CHL1: variants seen among roughly 807,000 people sequenced by gnomAD.
The protein encoded by CHL1 is cell adhesion molecule L1 like.
In CHL1, 96 loss-of-function variants were observed where a neutral mutation model predicts 141.9. The observed-to-expected ratio is 0.68, with a 90% CI of 0.57 to 0.80. The LOEUF (loss-of-function observed/expected upper bound fraction) is 0.80. CHL1 is among the 30% of genes least tolerant of loss of function. The pLI is 0.00. For missense variants in CHL1, 1,820 were observed against 1,457.2 expected (o/e 1.25, Z -4.05); for synonymous variants, 613 against 502.2 (o/e 1.22, Z -2.95).
Position 409,343 on chromosome 3 carries a change from A to G in CHL1, c.*3632A>G, listed in dbSNP as rs1027170534. 6.6e-6 allele frequency: 1 copy of G among 152,078 alleles called. No homozygotes were observed. Among genetic ancestry groups the G allele is most frequent in the Non-Finnish European group, 1.5e-5 (1 of 67,976 alleles). The allele number at this position is 152,078 out of a possible 1,614,324, so 9.4% of individuals were successfully genotyped here. ...GTTTGTATTATGCTTATGACTATGT[A>G]TGGTTTGAAAATATTTTCATTATAC... On this transcript the variant is annotated 3_prime_UTR_variant, in exon 28 of 28. Coordinates refer to ENST00000256509, the MANE Select transcript of CHL1 (RefSeq NM_006614.4).
chr3:341,002 T>C (rs1702305431), intron 6 of CHL1, 86 bp downstream of exon 6: 1 of 1,374,988 alleles, frequency 7.3e-7, no homozygotes, highest in Non-Finnish European at 1.0e-6. Context: ...AAAGACAAAA[T>C]AAAAAATAAA....
intron 5 of CHL1, among the ~76,000 whole-genome samples, chr3:334,345 T>C (rs951874062): frequency 6.6e-6 from 1 of 152,134 alleles, no homozygotes; most frequent in Non-Finnish European, 1.5e-5. Context: ...CCAATGACTT[T>C]TTTAGTAATT....
At chr3:299,138 G>A (rs77658627) in intron 2 of CHL1, among the ~76,000 whole-genome samples, 134 of 152,258 alleles carry the variant, frequency 8.8e-4, no homozygotes, top group African/African-American at 3.1e-3. Context: ...GTTTCCGTGA[G>A]TTTTTAGTCT....
chr3:306,250 T>G lies in CHL1; in HGVS notation c.-94-13433T>G, dbSNP rs533695931. 1.4e-4 allele frequency among the ~76,000 whole-genome samples: 21 copies of G among 152,286 alleles called. No individual in the cohort carries two copies. The South Asian group carries it at 1.4e-3, about 11-fold the overall frequency. ...GCAGAAGATGAGCCAAAGGAAATTA[T>G]GAGTTTCTTATAAATGTGTCTTAAG... On this transcript the variant is annotated intron_variant, in intron 2 of 27. Transcript: ENST00000256509.
Position 342,039 on chromosome 3 carries a change from G to T in CHL1, c.636G>T (p.Arg212Ser). 6.2e-7 allele frequency: 1 copy of T among 1,613,500 alleles called. No homozygotes were observed. The highest frequency in any genetic ancestry group is 8.5e-7 in the Non-Finnish European group (1 of 1,179,534). Residue 212 changes from arginine (R) to serine (S), a missense_variant, in exon 7 of 28, where the codon AGG (arginine) becomes AGT (serine). By Grantham distance (110) the Arg-to-Ser change is moderately radical (BLOSUM62 -1). Transcript: ENST00000256509. ...GCTTTGCTGCATTTCCAAGATTAAG[G>T]ACTATTGTACAGAAAATGCCAATGA... ...YCCFAAFPRL[R>S]TIVQKMPMKL... is the part of the protein sequence containing the mutation.
intron 11 of CHL1, among the ~76,000 whole-genome samples, chr3:359,431 T>C (rs914707377): frequency 6.6e-6 from 1 of 151,998 alleles, no homozygotes; most frequent in Non-Finnish European, 1.5e-5. Context: ...GCCTCCCAAC[T>C]AGCTGGGGTT....
At chr3:321,153 G>C (rs1353512641) in intron 3 of CHL1, among the ~76,000 whole-genome samples, 3 of 151,970 alleles carry the variant, frequency 2.0e-5, no homozygotes, top group Admixed American at 1.3e-4. Context: ...TAAATTACTT[G>C]ATGTACCTAT....
chr3:331,631 T>G (rs933936665), intron 5 of CHL1, among the ~76,000 whole-genome samples: 1 of 152,110 alleles, frequency 6.6e-6, no homozygotes, highest in Non-Finnish European at 1.5e-5. Flanking sequence ...CCTTTTTTTA[T>G]TGAAAGACTC....
rs559570378 is a variant in CHL1, at chr3:332,513, T to G, written c.385+4159T>G. 3.7e-4 allele frequency among the ~76,000 whole-genome samples: 57 copies of G among 152,306 alleles called. No individual in the cohort carries two copies. In the South Asian group the frequency reaches 8.5e-3, roughly 23 times the overall value. On this transcript the variant is annotated intron_variant, in intron 5 of 27. Transcript: ENST00000256509. ...AGTGAATGGATTTCCATTGTGTTTCTTTCTTTCTTTGTGTTTTTTTTACAT... is the reference window on the plus strand; with the variant it reads ...AGTGAATGGATTTCCATTGTGTTTCGTTCTTTCTTTGTGTTTTTTTTACAT...
intron 5 of CHL1, among the ~76,000 whole-genome samples, chr3:338,055 G>T (rs137893814): frequency 6.6e-6 from 1 of 151,996 alleles, no homozygotes; most frequent in South Asian, 2.1e-4. Flanking sequence ...TAGTAGAGAC[G>T]GGGTTTCACC....
chr3:319,810 G>A lies in CHL1; in HGVS notation c.34G>A (p.Val12Ile), dbSNP rs142251617. ...GCTTTTACTTGGAAGAGGACTAATC[G>A]TATATCTAATGTTCCTCCTGTTAAA... ...EPLLLGRGLI[V>I]YLMFLLLKFS... Residue 12 changes from valine (V) to isoleucine (I), a missense_variant, in exon 3 of 28, where the codon GTA becomes ATA. Physicochemically the swap from Val to Ile is conservative, Grantham distance 29. Transcript: ENST00000256509. 0.014 allele frequency: 22,458 copies of A among 1,607,944 alleles called. 256 individuals are homozygous for A. Among genetic ancestry groups the A allele is most frequent in the Admixed American group, 0.048 (2,848 of 59,610 alleles).
At position 267,965 on chromosome 3, in the gene CHL1, T is replaced by TA. The variant is rs145702471; in HGVS notation, c.-95+23277dup. ...TCAGCTTTGTGTTGATGATCAATTC[T>TA]AAAATGATTCTTTCCTATGAAAAAC... On this transcript the variant is annotated intron_variant, in intron 2 of 27. Transcript: ENST00000256509. Among the ~76,000 whole-genome samples, 63 of 152,338 alleles carry TA rather than the reference T, an allele frequency of 4.1e-4. 1 individual carries two copies. Among genetic ancestry groups the TA allele is most frequent in the African/African-American group, 1.4e-3 (58 of 41,568 alleles).
intron 2 of CHL1, among the ~76,000 whole-genome samples, chr3:304,770 T>A (rs1257684046): frequency 3.3e-5 from 5 of 152,218 alleles, no homozygotes; most frequent in Non-Finnish European, 5.9e-5. Flanking sequence ...AGCTATTTCA[T>A]GTCTTTTGCT....
Position 342,991 on chromosome 3 carries a change from T to C in CHL1, c.687T>C (p.His229=), listed in dbSNP as rs747244505. ...TCCGTTTTTTTATTTCAGTAAAGCATGCTAATGACTCAAGTTCATCCACAG... is the reference window on the plus strand; with the variant it reads ...TCCGTTTTTTTATTTCAGTAAAGCACGCTAATGACTCAAGTTCATCCACAG... ...PMKLTVNSLK[H]ANDSSSSTEI... The change falls in exon 8 of 28, where the codon CAT becomes CAC. Residue 229 remains histidine (H), a synonymous_variant. Transcript: ENST00000256509. 1.2e-6 allele frequency: 2 copies of C among 1,608,902 alleles called. No homozygotes were observed. Among genetic ancestry groups the C allele is most frequent in the Non-Finnish European group, 1.7e-6 (2 of 1,178,146 alleles).
At chr3:255,969 T>A (rs584201) in intron 2 of CHL1, among the ~76,000 whole-genome samples, 25,225 of 152,236 alleles carry the variant, frequency 0.17, 2,365 homozygotes, top group East Asian at 0.39. Flanking sequence ...TTACCTTGCC[T>A]ACTTCCACAC....
At chr3:316,111 G>T (rs1700136203) in intron 2 of CHL1, among the ~76,000 whole-genome samples, 1 of 151,944 alleles carries the variant, frequency 6.6e-6, no homozygotes, top group African/African-American at 2.4e-5. Flanking sequence ...CTTTCCAGTT[G>T]ACCGGTGCCA....
intron 10 of CHL1, among the ~76,000 whole-genome samples, chr3:354,287 G>A (rs1465863714): frequency 6.6e-6 from 1 of 151,918 alleles, no homozygotes; most frequent in African/African-American, 2.4e-5. Flanking sequence ...AACCTGTAGT[G>A]AGCTCTAAAT....
At chr3:248,098 C>G (rs1693342254) in intron 2 of CHL1, 1 of 152,074 alleles carries the variant, frequency 6.6e-6, no homozygotes, top group Non-Finnish European at 1.5e-5. Context: ...GCCAAACACC[C>G]CATTCCCTTC....
At chr3:355,332 C>T (rs1380782469) in intron 11 of CHL1, among the ~76,000 whole-genome samples, 1 of 152,134 alleles carries the variant, frequency 6.6e-6, no homozygotes, top group Non-Finnish European at 1.5e-5. Flanking sequence ...GCACAAAGAC[C>T]TGAAAATCCC....
Sources: allele counts gnomAD v4.1 joint callset (sites outside exome capture counted in the v4.1 genomes callset), GRCh38; gene constraint gnomAD v4.1.1; transcripts MANE v1.5; gene names NCBI Gene and HGNC (gene_info 2026-07-23, HGNC 2026-07-21).